Variants in GMEB1 observed in about 807,000 individuals in gnomAD.
GMEB1 encodes glucocorticoid modulatory element binding protein 1.
In GMEB1, 6 loss-of-function variants were observed where a neutral mutation model predicts 52.4. That is an observed-to-expected ratio of 0.11 (90% CI 0.06 to 0.23). GMEB1 has a LOEUF of 0.23. GMEB1 is among the 10% of genes least tolerant of loss of function. The pLI is 1.00. For synonymous variants in GMEB1, 255 were observed against 244.9 expected (o/e 1.04, Z -0.38); for missense variants, 486 against 685.6 (o/e 0.71, Z 3.25).
chr1:28,690,347 C>T (rs750170028), intron 3 of GMEB1, among the ~76,000 whole-genome samples, 161 bp downstream of exon 3: 18 of 151,550 alleles, frequency 1.2e-4, no homozygotes, highest in Non-Finnish European at 2.2e-4. Context: ...GATGGTGGTA[C>T]ATCTTGAGAC....
chr1:28,670,865 G>T (rs1040500285), intron 1 of GMEB1, among the ~76,000 whole-genome samples: 4 of 151,774 alleles, frequency 2.6e-5, no homozygotes, highest in Non-Finnish European at 1.5e-5. Flanking sequence ...GATTTTTTTT[G>T]GGTTCCTATT....
At chr1:28,710,462 G>C (rs1416875769) in intron 8 of GMEB1, 58 bp from the exon 9 acceptor site, 1 of 1,392,418 alleles carries the variant, frequency 7.2e-7, no homozygotes, top group African/African-American at 1.5e-5. Context: ...ACAGCACAAT[G>C]GAGAGTGGTG....
intron 8 of GMEB1, among the ~76,000 whole-genome samples, chr1:28,708,679 C>T (rs1670901728): frequency 7.0e-6 from 1 of 142,572 alleles, no homozygotes; most frequent in African/African-American, 2.6e-5. Context: ...CCATATTGGT[C>T]AGGCTGGTAA....
chr1:28,688,239 C>T (rs1053837080), intron 2 of GMEB1, among the ~76,000 whole-genome samples: 2 of 152,110 alleles, frequency 1.3e-5, no homozygotes, highest in Non-Finnish European at 2.9e-5. Flanking sequence ...GCCAAGATCG[C>T]GCCATTGCAC....
In GMEB1 at chr1:28,714,565, C is replaced by T. The variant is rs779273778; in HGVS notation, c.1484C>T (p.Thr495Ile). The T allele has an allele frequency of 6.2e-7, 1 of 1,614,176 alleles. No individual in the cohort carries two copies. Among genetic ancestry groups the T allele is most frequent in the Non-Finnish European group, 8.5e-7 (1 of 1,180,028 alleles). The change falls in exon 10 of 10, where the codon ACC becomes ATC. Residue 495 changes from threonine (T) to isoleucine (I), a missense_variant. This residue lies in a region of GMEB1 where 153 missense variants were observed against 200.8 expected (regional missense o/e 0.76). Coordinates refer to ENST00000373816, the MANE Select transcript of GMEB1 (RefSeq NM_001319674.2). ...TTGGTGGCCATGGAGTCCGGCCTAA[C>T]CTCGGCAATTCAGGCTGTTGAAAGC... ...VELVAMESGL[T>I]SAIQAVESTS...
At position 28,693,065 on chromosome 1, in the gene GMEB1, A is replaced by G. The variant is rs1185136691; in HGVS notation, c.440+20A>G. The G allele has an allele frequency of 5.3e-6, 7 of 1,318,578 alleles. No individual in the cohort carries two copies. The African/African-American group carries it at 1.0e-4, about 19-fold the overall frequency. 81.7% of individuals were successfully genotyped at this position (1,318,578 alleles called of 1,614,324 possible). Reference sequence around the variant, plus strand: ...GCTCAGGTAAGCTCTAATGTCAAGCACATACCTTTCAACAAACTTTGGGGC... The same window carrying G: ...GCTCAGGTAAGCTCTAATGTCAAGCGCATACCTTTCAACAAACTTTGGGGC... On this transcript the variant is annotated intron_variant, in intron 5 of 9. Transcript: ENST00000373816.
chr1:28,690,084 G>A lies in GMEB1; in HGVS notation c.129-20G>A, dbSNP rs142807878. The A allele has an allele frequency of 9.6e-6, 15 of 1,567,434 alleles. No individual in the cohort carries two copies. The highest frequency in any genetic ancestry group is 2.3e-5 in the East Asian group (1 of 44,068). On this transcript the variant is annotated intron_variant, in intron 2 of 9. Coordinates refer to ENST00000373816, the MANE Select transcript of GMEB1 (RefSeq NM_001319674.2). The stretch of plus-strand genomic sequence containing the variant: ...TCATGATTTATGTAGTTTGTTTATC[G>A]ATGGACACTTTTACAACAGGATTTA...
At chr1:28,701,848 C>G (rs1670531977) in intron 6 of GMEB1, among the ~76,000 whole-genome samples, 1 of 152,192 alleles carries the variant, frequency 6.6e-6, no homozygotes. Flanking sequence ...GCATGAGCTA[C>G]CACGCCCAGT....
intron 9 of GMEB1, among the ~76,000 whole-genome samples, chr1:28,713,438 G>A (rs1426556641): frequency 6.6e-6 from 1 of 152,160 alleles, no homozygotes; most frequent in East Asian, 1.9e-4. Context: ...TAATGCAAAA[G>A]CAACCAAGTT....
At chr1:28,671,326 A>T (rs1668875026) in intron 1 of GMEB1, among the ~76,000 whole-genome samples, 1 of 151,990 alleles carries the variant, frequency 6.6e-6, no homozygotes. Flanking sequence ...GTGAGAGTGC[A>T]TTGCGGGATC....
rs1325597672 is a variant in GMEB1, at chr1:28,717,921, A to G, written c.*3148A>G. The G allele has an allele frequency of 6.6e-6, 1 of 152,162 alleles. No individual in the cohort carries two copies. Among genetic ancestry groups the G allele is most frequent in the African/African-American group, 2.4e-5 (1 of 41,452 alleles). 9.4% of individuals were successfully genotyped at this position (152,162 alleles called of 1,614,324 possible). ...TGTGTGCATCATGCTTCCAATGTCA[A>G]GAGATTTCCTCAAACAGCCTGTTTA... is the stretch of plus-strand genomic sequence containing the variant. On this transcript the variant is annotated 3_prime_UTR_variant, in exon 10 of 10. Coordinates refer to ENST00000373816, the MANE Select transcript of GMEB1 (RefSeq NM_001319674.2).
At chr1:28,671,982 G>C (rs927052835) in intron 1 of GMEB1, among the ~76,000 whole-genome samples, 1 of 150,728 alleles carries the variant, frequency 6.6e-6, no homozygotes, top group Non-Finnish European at 1.5e-5. Flanking sequence ...GCTGGGCGTG[G>C]TGGCAGATGC....
chr1:28,708,651 A>ATTT (rs1345896139), intron 8 of GMEB1, among the ~76,000 whole-genome samples: 1 of 147,508 alleles, frequency 6.8e-6, no homozygotes, highest in African/African-American at 2.5e-5. Flanking sequence ...TTTTGTATTT[A>ATTT]GTAGCAACGG....
At chr1:28,669,130 G>C (rs1668756602) in intron 1 of GMEB1, among the ~76,000 whole-genome samples, 2 of 150,590 alleles carry the variant, frequency 1.3e-5, no homozygotes, top group African/African-American at 4.9e-5. Context: ...CCCCAGACCA[G>C]GGCGGCGGGA....
chr1:28,708,746 A>G (rs1670905933), intron 8 of GMEB1, among the ~76,000 whole-genome samples: 1 of 149,514 alleles, frequency 6.7e-6, no homozygotes, highest in Non-Finnish European at 1.5e-5. Flanking sequence ...CACCACGCCC[A>G]GCACTCTGGG....
intron 1 of GMEB1, among the ~76,000 whole-genome samples, chr1:28,683,251 A>T (rs530232766): frequency 6.1e-4 from 92 of 150,772 alleles, no homozygotes; most frequent in African/African-American, 2.2e-3. Context: ...TTGAGACGGA[A>T]TTTCACTCTT....
At chr1:28,684,191 C>T (rs1669522925) in intron 2 of GMEB1, among the ~76,000 whole-genome samples, 2 of 151,954 alleles carry the variant, frequency 1.3e-5, no homozygotes, top group African/African-American at 4.8e-5. Context: ...GTTCTTTTTT[C>T]TTTTTTTATT....
At position 28,688,725 on chromosome 1, in the gene GMEB1, C is replaced by G. The variant is rs1196438818; in HGVS notation, c.129-1379C>G. On this transcript the variant is annotated intron_variant, in intron 2 of 9. Coordinates refer to ENST00000373816, the MANE Select transcript of GMEB1 (RefSeq NM_001319674.2). Reference sequence around the variant, plus strand: ...ACAAACACCCCCCCACCACCCACCACCCCCAGCAAAATACACCGTTTCCAG... The same window carrying G: ...ACAAACACCCCCCCACCACCCACCAGCCCCAGCAAAATACACCGTTTCCAG... Among the ~76,000 whole-genome samples, 16 of 151,670 alleles carry G rather than the reference C, an allele frequency of 1.1e-4. No homozygotes were observed. The East Asian group carries it at 2.9e-3, about 28-fold the overall frequency.
At chr1:28,691,064 G>C (rs1283694804) in intron 3 of GMEB1, among the ~76,000 whole-genome samples, 1 of 152,104 alleles carries the variant, frequency 6.6e-6, no homozygotes, top group Non-Finnish European at 1.5e-5. Context: ...GCCAAGACAG[G>C]TGGATCAGTT....
Sources: allele counts gnomAD v4.1 joint callset (sites outside exome capture counted in the v4.1 genomes callset), GRCh38; gene constraint gnomAD v4.1.1; regional missense constraint gnomAD v4.1.1; transcripts MANE v1.5; gene names NCBI Gene and HGNC (gene_info 2026-07-23, HGNC 2026-07-21).